Variants in RGS5 observed in about 807,000 individuals in gnomAD.
The protein encoded by RGS5 is regulator of G-protein signalling 5.
Under a neutral mutation model 18.9 loss-of-function variants are expected in RGS5, and 20 were observed. The ratio of observed to expected loss-of-function variants is 1.06; its 90% CI spans 0.74 to 1.54. The LOEUF is 1.54. Ranked by LOEUF, RGS5 falls within the 40% of genes most tolerant of loss-of-function variation. The pLI is 0.00. For synonymous variants in RGS5, 57 were observed against 76.2 expected (o/e 0.75, Z 1.31); for missense variants, 201 against 211.8 (o/e 0.95, Z 0.32).
chr1:163,279,908 AAAAT>A (rs907785501), intron 2 of RGS5, among the ~76,000 whole-genome samples: 2 of 152,068 alleles, frequency 1.3e-5, no homozygotes, highest in African/African-American at 4.8e-5. Context: ...AAACCTAGAA[AAAAT>A]AAATAAATTC....
At chr1:163,168,432 T>C in intron 1 of RGS5, 64 bp from the exon 2 acceptor site, 1 of 1,198,970 alleles carries the variant, frequency 8.3e-7, no homozygotes, top group South Asian at 1.3e-5. Context: ...TAAGAAGAGA[T>C]TTCTTCCTGT....
At chr1:163,224,797 A>G (rs1479629765) in intron 2 of RGS5, among the ~76,000 whole-genome samples, 3 of 152,158 alleles carry the variant, frequency 2.0e-5, no homozygotes, top group Non-Finnish European at 4.4e-5. Flanking sequence ...TTAGTGATGT[A>G]GGACACTTTT....
chr1:163,159,224 C>G (rs567873429), intron 3 of RGS5, among the ~76,000 whole-genome samples: 1 of 152,002 alleles, frequency 6.6e-6, no homozygotes, highest in Non-Finnish European at 1.5e-5. Flanking sequence ...CACAGGGTCC[C>G]GAGGTGACAT....
chr1:163,236,725 A>AGGTCGAGAG (rs373859286), intron 2 of RGS5, among the ~76,000 whole-genome samples: 2 of 152,318 alleles, frequency 1.3e-5, no homozygotes, highest in African/African-American at 4.8e-5. Context: ...GCACTTTGGG[A>AGGTCGAGAG]GGTCGAGAGG....
chr1:163,157,141 C>A (rs894594198), intron 3 of RGS5, among the ~76,000 whole-genome samples: 1 of 152,072 alleles, frequency 6.6e-6, no homozygotes, highest in African/African-American at 2.4e-5. Context: ...GATGCTCTGG[C>A]CTTCTGAAAC....
At chr1:163,187,324 C>T (rs1203347788) in intron 1 of RGS5, among the ~76,000 whole-genome samples, 1 of 152,182 alleles carries the variant, frequency 6.6e-6, no homozygotes, top group African/African-American at 2.4e-5. Flanking sequence ...ATGGCTATGG[C>T]CCCCTAGTCA....
intron 2 of RGS5, among the ~76,000 whole-genome samples, chr1:163,281,157 T>C (rs1293601499): frequency 6.6e-6 from 1 of 152,176 alleles, no homozygotes; most frequent in Non-Finnish European, 1.5e-5. Context: ...AGATGTGACT[T>C]GCTCCTCCTT....
chr1:163,290,691 CACTTTA>C (rs1649261435), intron 2 of RGS5, among the ~76,000 whole-genome samples: 1 of 151,204 alleles, frequency 6.6e-6, no homozygotes, highest in South Asian at 2.1e-4. Flanking sequence ...AAAGATCTCA[CACTTTA>C]GGGCTTCCAT....
chr1:163,209,511 G>C (rs1005840150), intron 1 of RGS5, among the ~76,000 whole-genome samples: 4 of 152,070 alleles, frequency 2.6e-5, no homozygotes, highest in Admixed American at 6.5e-5. Context: ...CCCAAGACAG[G>C]AATATCTTAC....
At chr1:163,200,679 T>C (rs531789072) in intron 1 of RGS5, among the ~76,000 whole-genome samples, 7 of 152,268 alleles carry the variant, frequency 4.6e-5, no homozygotes, top group Non-Finnish European at 5.9e-5. Context: ...CTATTTACGA[T>C]GAGAACAGAT....
intron 2 of RGS5, among the ~76,000 whole-genome samples, chr1:163,267,634 T>G (rs964036908): frequency 6.6e-6 from 1 of 152,180 alleles, no homozygotes; most frequent in Admixed American, 6.5e-5. Context: ...GCACTCCTAT[T>G]GTGAGTCTGC....
chr1:163,183,038 A>G (rs914344877), intron 1 of RGS5, among the ~76,000 whole-genome samples: 1 of 152,226 alleles, frequency 6.6e-6, no homozygotes, highest in Non-Finnish European at 1.5e-5. Context: ...ATAAAACTAC[A>G]GTTCCCAGAA....
chr1:163,202,891 A>T lies in RGS5; in HGVS notation c.-56T>A. 6.4e-7 allele frequency: 1 copy of T among 1,565,390 alleles called. No individual in the cohort carries two copies. The highest frequency in any genetic ancestry group is 8.8e-7 in the Non-Finnish European group (1 of 1,137,646). On this transcript the variant is annotated 5_prime_UTR_variant, in exon 1 of 5. Transcript: ENST00000313961. Reference sequence around the variant, plus strand: ...AGTACAACTTCTTAACAGCAGAGCCAGTCTTTGAAAACTTCAAAACTGTCT... The same window carrying T: ...AGTACAACTTCTTAACAGCAGAGCCTGTCTTTGAAAACTTCAAAACTGTCT...
At chr1:163,174,908 C>T (rs1012284112) in intron 1 of RGS5, among the ~76,000 whole-genome samples, 3 of 152,136 alleles carry the variant, frequency 2.0e-5, no homozygotes, top group African/African-American at 7.2e-5. Flanking sequence ...AAGATTTTTA[C>T]AACACATTTC....
chr1:163,149,598 C>T lies in RGS5; in HGVS notation c.385-2095G>A, dbSNP rs1657294730. Among the ~76,000 whole-genome samples, 11 of 152,216 alleles carry T rather than the reference C, an allele frequency of 7.2e-5. No homozygotes were observed. The South Asian group carries it at 2.3e-3, about 32-fold the overall frequency. ...TAGTTATCCAGAAACAATATCATTT[C>T]ATTAATTTCAAATATGGTCAAATGA... On this transcript the variant is annotated intron_variant, in intron 4 of 4. Transcript: ENST00000313961.
chr1:163,168,486 T>C (rs1658158218), intron 1 of RGS5, 118 bp from the exon 2 acceptor site: 1 of 724,244 alleles, frequency 1.4e-6, no homozygotes, highest in Non-Finnish European at 2.3e-6. Context: ...CACTTTTATT[T>C]TTCTTGTGGC....
chr1:163,246,123 A>G (rs905400081), intron 2 of RGS5, among the ~76,000 whole-genome samples: 3 of 152,146 alleles, frequency 2.0e-5, no homozygotes, highest in Admixed American at 6.5e-5. Context: ...AGGCTGAGGC[A>G]GGAGAATGGC....
intron 1 of RGS5, among the ~76,000 whole-genome samples, chr1:163,314,063 T>C (rs576515975): frequency 2.1e-4 from 32 of 152,114 alleles, no homozygotes; most frequent in African/African-American, 7.0e-4. Flanking sequence ...GAGAAACTAC[T>C]TCATGCAGTT....
At chr1:163,202,453 G>A (rs537810676) in intron 1 of RGS5, among the ~76,000 whole-genome samples, 1 of 152,070 alleles carries the variant, frequency 6.6e-6, no homozygotes, top group East Asian at 1.9e-4. Flanking sequence ...TAGAGCCAGG[G>A]TTCTAATCTA....
Sources: allele counts gnomAD v4.1 joint callset (sites outside exome capture counted in the v4.1 genomes callset), GRCh38; gene constraint gnomAD v4.1.1; transcripts MANE v1.5; gene names NCBI Gene and HGNC (gene_info 2026-07-23, HGNC 2026-07-21).